Variants in SLC35C1 observed in about 807,000 individuals in gnomAD.
SLC35C1 encodes solute carrier family 35 member C1.
Under a neutral mutation model 23.2 loss-of-function variants are expected in SLC35C1, and 8 were observed. That is an observed-to-expected ratio of 0.35 (90% CI 0.20 to 0.62). SLC35C1 has a LOEUF of 0.62. Ranked by LOEUF, SLC35C1 falls within the 20% of genes least tolerant of loss-of-function variation. The pLI is 0.75. For missense variants in SLC35C1, 422 were observed against 478.6 expected, an observed-to-expected ratio of 0.88 and a Z score of 1.10; for synonymous variants, 226 against 225.1, an observed-to-expected ratio of 1.00 and a Z score of -0.04.
upstream of SLC35C1, chr11:45,804,676 G>A (rs2085847668): frequency 1.0e-6 from 1 of 985,692 alleles, no homozygotes; most frequent in Non-Finnish European, 1.2e-6. Flanking sequence ...AGAGGGCCTG[G>A]GGGCGGTGAA....
chr11:45,810,191 G>A, intron 1 of SLC35C1: 2 of 985,446 alleles, frequency 2.0e-6, no homozygotes, highest in Non-Finnish European at 2.4e-6. Context: ...TGAGCAGGAA[G>A]TGACACAAGA....
chr11:45,808,343 T>C (rs921961145), intron 1 of SLC35C1, among the ~76,000 whole-genome samples: 1 of 151,608 alleles, frequency 6.6e-6, no homozygotes, highest in African/African-American at 2.4e-5. Context: ...CTACTAAAAA[T>C]ACAAAAAATT....
At chr11:45,804,873 G>T (rs1208611477), upstream of SLC35C1, 3 of 985,778 alleles carry the variant, frequency 3.0e-6, no homozygotes, top group African/African-American at 3.5e-5. Context: ...GTCGGGGGAC[G>T]GAGGCTCCGG....
rs749027464 is a variant in SLC35C1 at position 45,806,164 on chromosome 11, G to T, written c.363G>T (p.Ser121=). 1.2e-6 allele frequency: 2 copies of T among 1,606,052 alleles called. No homozygotes were observed. Among genetic ancestry groups the T allele is most frequent in the East Asian group, 4.5e-5 (2 of 44,882 alleles). ...TGGCCCGCAGCGTCCTGCCCCTGTC[G>T]GTGGTCTTCATCGGCATGATCACCT... The part of the protein sequence containing the change: ...LRVARSVLPL[S]VVFIGMITFN... The change falls in exon 1 of 2, where the codon TCG becomes TCT. Residue 121 remains serine (S), a synonymous_variant. Transcript: ENST00000314134.
In SLC35C1 at chr11:45,805,526, TG is replaced by T; in HGVS notation, c.-275del. On this transcript the variant is annotated 5_prime_UTR_variant, in exon 1 of 2. It removes the in-frame stop codon of an upstream open reading frame in the 5' UTR. Transcript: ENST00000314134. ...CTCTTCTCCCCTCACAGGTCTTCTC[TG>T]TCCTGGCCTCACCGCCTTATCCTAT... The T allele has an allele frequency of 7.3e-7, 1 of 1,375,824 alleles. No homozygotes were observed. The highest frequency in any genetic ancestry group is 1.6e-5 in the South Asian group (1 of 63,888). 85.2% of individuals were successfully genotyped at this position (1,375,824 alleles called of 1,614,324 possible). A position where few individuals can be genotyped will look rare whatever the true frequency, so the allele number is the denominator to read the frequency against.
At chr11:45,809,048 A>C (rs1159881157) in intron 1 of SLC35C1, among the ~76,000 whole-genome samples, 1 of 152,220 alleles carries the variant, frequency 6.6e-6, no homozygotes, top group African/African-American at 2.4e-5. Context: ...TTGAGTGCCT[A>C]TGATGTAGGA....
chr11:45,809,834 G>C (rs1305114533), intron 1 of SLC35C1: 1 of 985,312 alleles, frequency 1.0e-6, no homozygotes, highest in Non-Finnish European at 1.2e-6. Flanking sequence ...CATGGGATCT[G>C]GCTAAAAAGA....
chr11:45,808,005 T>C (rs2085895542), intron 1 of SLC35C1, among the ~76,000 whole-genome samples: 1 of 152,072 alleles, frequency 6.6e-6, no homozygotes, highest in East Asian at 1.9e-4. Context: ...AAGTAACCAG[T>C]GGTGAGGTTC....
rs2085944370 is a variant in SLC35C1, at chr11:45,811,285, C to G, written c.1045C>G (p.Pro349Ala). 6.4e-7 allele frequency: 1 copy of G among 1,563,962 alleles called. No homozygotes were observed. Among genetic ancestry groups the G allele is most frequent in the African/African-American group, 1.4e-5 (1 of 73,646 alleles). ...WVRGWEMKKT[P>A]EEPSPKDSEK... ...CAGGGGCTGGGAGATGAAGAAGACT[C>G]CGGAGGAGCCCAGCCCCAAAGACAG... Residue 349 changes from proline to alanine, a missense_variant, in exon 2 of 2, where the codon CCG becomes GCG. Coordinates refer to ENST00000314134, the MANE Select transcript of SLC35C1 (RefSeq NM_018389.5).
Position 45,805,959 on chromosome 11 carries a change from T to C in SLC35C1, c.158T>C (p.Ile53Thr). 6.2e-7 allele frequency: 1 copy of C among 1,614,134 alleles called. No homozygotes were observed. Among genetic ancestry groups the C allele is most frequent in the Non-Finnish European group, 8.5e-7 (1 of 1,180,014 alleles). ...GTCTCCCTCTACTGGGTCACCTCCATCTCCATGGTGTTCCTTAATAAGTAC... is the reference window on the plus strand; with the variant it reads ...GTCTCCCTCTACTGGGTCACCTCCACCTCCATGGTGTTCCTTAATAAGTAC... ...LVVSLYWVTS[I>T]SMVFLNKYLL... Residue 53 changes from isoleucine (I) to threonine (T), a missense_variant, in exon 1 of 2, where the codon ATC becomes ACC. Ile to Thr is a moderately conservative substitution (Grantham distance 89). Transcript: ENST00000314134.
At chr11:45,810,062 G>A (rs2085921600) in intron 1 of SLC35C1, 1 of 985,316 alleles carries the variant, frequency 1.0e-6, no homozygotes, top group African/African-American at 1.7e-5. Context: ...AGGGTGAGAA[G>A]CAGGGAGACG....
At chr11:45,810,392 G>C in intron 1 of SLC35C1, 1 of 985,416 alleles carries the variant, frequency 1.0e-6, no homozygotes, top group Non-Finnish European at 1.2e-6. Flanking sequence ...CAGTTCAACT[G>C]TTATTTTCAG....
Position 45,805,242 on chromosome 11 carries a change from C to A in SLC35C1, c.-560C>A. On this transcript the variant is annotated 5_prime_UTR_variant, in exon 1 of 2. An upstream open reading frame in the 5' UTR gains an earlier in-frame stop. Coordinates refer to ENST00000314134, the MANE Select transcript of SLC35C1 (RefSeq NM_018389.5). ...CGGCCCAGCCCCCTCCCGCGTCCTT[C>A]AGCCCCAAGCCCCGAGCCCCTCTGA... The A allele has an allele frequency of 2.0e-6, 2 of 997,384 alleles. No individual in the cohort carries two copies. The allele number at this position is 997,384 out of a possible 1,614,324, so 61.8% of individuals were successfully genotyped here. A position where few individuals can be genotyped will look rare whatever the true frequency, so the allele number is the denominator to read the frequency against.
rs551190877 is a variant in SLC35C1, at chr11:45,811,475, G to A, written c.*140G>A. On this transcript the variant is annotated 3_prime_UTR_variant, in exon 2 of 2. Transcript: ENST00000314134. ...CTACTTATAGACCCAATCAGAATACGGTGGTTGAGAAGGAACCAGTGTTTA... is the reference window on the plus strand; with the variant it reads ...CTACTTATAGACCCAATCAGAATACAGTGGTTGAGAAGGAACCAGTGTTTA... 26 of 628,522 alleles carry A rather than the reference G, an allele frequency of 4.1e-5. 1 individual carries two copies. The South Asian group carries it at 4.2e-4, about 10-fold the overall frequency. 38.9% of individuals were successfully genotyped at this position (628,522 alleles called of 1,614,324 possible).
At position 45,810,912 on chromosome 11, in the gene SLC35C1, C is replaced by T. The variant is rs528291665; in HGVS notation, c.672C>T (p.Asp224=). 27 of 1,612,308 alleles carry T rather than the reference C, an allele frequency of 1.7e-5. No homozygotes were observed. Among genetic ancestry groups the T allele is most frequent in the South Asian group, 1.4e-4 (13 of 91,090 alleles). The part of the protein sequence containing the change: ...IYTTKVLPAV[D]GSIWRLTFYN... ...CCACGAAGGTGCTCCCGGCGGTGGA[C>T]GGCAGCATCTGGCGCCTGACTTTCT... Residue 224 remains aspartate (D), a synonymous_variant, in exon 2 of 2, where the codon GAC becomes GAT. Transcript: ENST00000314134.
Position 45,806,333 on chromosome 11 carries a change from A to G in SLC35C1, c.532A>G (p.Ile178Val). 6.2e-7 allele frequency: 1 copy of G among 1,612,562 alleles called. No homozygotes were observed. The highest frequency in any genetic ancestry group is 1.7e-5 in the Admixed American group (1 of 60,016). ...TGCCCTGCTCACCTGCGGTATCATC[A>G]TCGGTGAGTGGCAGCTGGGGCCACG... ...FYALLTCGII[I>V]GGFWLGVDQE... Residue 178 changes from isoleucine (I) to valine (V), a missense_variant, in exon 1 of 2, where the codon ATC becomes GTC. By Grantham distance (29) the Ile-to-Val change is conservative. Transcript: ENST00000314134.
chr11:45,804,348 G>C (rs962857649), upstream of SLC35C1: 36 of 379,148 alleles, frequency 9.5e-5, no homozygotes, highest in Non-Finnish European at 1.2e-4. Context: ...TCGATCCCGC[G>C]GGCGCGGCCC....
chr11:45,805,836 T>C lies in SLC35C1; in HGVS notation c.35T>C (p.Leu12Pro). Residue 12 changes from leucine (L) to proline (P), a missense_variant, in exon 1 of 2, where the codon CTG becomes CCG. Leu to Pro is a moderately conservative substitution (Grantham distance 98). Transcript: ENST00000314134. ...GCCCCTCTGAAGCGGTCCAGGATCC[T>C]GCACATGGCGCTGACCGGGGCCTCA... ...NRAPLKRSRI[L>P]HMALTGASDP... is the part of the protein sequence containing the mutation. 3 of 1,614,036 alleles carry C rather than the reference T, an allele frequency of 1.9e-6. No homozygotes were observed. Among genetic ancestry groups the C allele is most frequent in the Non-Finnish European group, 2.5e-6 (3 of 1,180,012 alleles).
In SLC35C1 at chr11:45,812,254, T is replaced by C; in HGVS notation, c.*919T>C. ...GAGCAAGGGTCCAGACTAGGAGCCT[T>C]CCACCCCAGCTGTGTCTGGCGCCCC... On this transcript the variant is annotated 3_prime_UTR_variant, in exon 2 of 2. Coordinates refer to ENST00000314134, the MANE Select transcript of SLC35C1 (RefSeq NM_018389.5). The C allele has an allele frequency of 7.3e-6, 2 of 273,628 alleles. No homozygotes were observed. The highest frequency in any genetic ancestry group is 8.2e-5 in the Admixed American group (2 of 24,378). The allele number at this position is 273,628 out of a possible 1,614,324, so 17.0% of individuals were successfully genotyped here.
Sources: gnomAD v4.1 joint callset for allele counts (sites outside exome capture counted in the v4.1 genomes callset) on GRCh38, gnomAD v4.1.1 for gene constraint, MANE v1.5 for transcripts, NCBI Gene and HGNC (gene_info 2026-07-23, HGNC 2026-07-21) for gene names.